SLC48A1: variants seen among roughly 807,000 people sequenced by gnomAD.
The protein encoded by SLC48A1 is solute carrier family 48 member 1, also known as heme transporter HRG1.
In SLC48A1, 6 loss-of-function variants were observed where a neutral mutation model predicts 14.8. That is an observed-to-expected ratio of 0.41 (90% CI 0.22 to 0.80). The LOEUF (loss-of-function observed/expected upper bound fraction) is 0.80, where lower values mean the gene tolerates loss of function less well. SLC48A1 is among the 30% of genes least tolerant of loss of function. The pLI is 0.34. For missense variants in SLC48A1, 165 were observed against 204.8 expected (o/e 0.81, Z 1.19); for synonymous variants, 89 against 90.0 (o/e 0.99, Z 0.06).
Position 47,781,267 on chromosome 12 carries a change from AG to A in SLC48A1, c.*991del, listed in dbSNP as rs990687573. The A allele has an allele frequency of 9.8e-5, 20 of 203,834 alleles. No homozygotes were observed. The highest frequency in any genetic ancestry group is 8.5e-4 in the Admixed American group (16 of 18,828). The allele number at this position is 203,834 out of a possible 1,614,324, so 12.6% of individuals were successfully genotyped here. A position where few individuals can be genotyped will look rare whatever the true frequency, so the allele number is the denominator to read the frequency against. On this transcript the variant is annotated 3_prime_UTR_variant, in exon 3 of 3. Transcript: ENST00000442218. ...TCTGCCCCTGTAAGGGCTTTGGGGA[AG>A]GGGGCAACATAGTAGAGGCTGGAAA...
chr12:47,768,192 G>GC (rs1330114764), upstream of SLC48A1, among the ~76,000 whole-genome samples: 1 of 152,194 alleles, frequency 6.6e-6, no homozygotes, highest in Non-Finnish European at 1.5e-5. Flanking sequence ...GGCCAGGCTG[G>GC]CCTCGAACTC....
At chr12:47,761,842 A>G (rs999668302) in intron 2 of SLC48A1, among the ~76,000 whole-genome samples, 2 of 152,180 alleles carry the variant, frequency 1.3e-5, no homozygotes, top group Non-Finnish European at 2.9e-5. Flanking sequence ...CAACAACCCT[A>G]TGAGATAAGG....
intron 2 of SLC48A1, among the ~76,000 whole-genome samples, chr12:47,763,420 A>G (rs1014035457): frequency 2.0e-5 from 3 of 152,188 alleles, no homozygotes; most frequent in Non-Finnish European, 4.4e-5. Context: ...GGGCTGTGCC[A>G]GGACCTTGGC....
In SLC48A1 at chr12:47,780,857, G is replaced by A. The variant is rs768591709; in HGVS notation, c.*576G>A. 34 of 526,228 alleles carry A rather than the reference G, an allele frequency of 6.5e-5. No homozygotes were observed. The highest frequency in any genetic ancestry group is 3.3e-4 in the South Asian group (23 of 70,404). 32.6% of individuals were successfully genotyped at this position (526,228 alleles called of 1,614,324 possible). On this transcript the variant is annotated 3_prime_UTR_variant, in exon 3 of 3. Coordinates refer to ENST00000442218, the MANE Select transcript of SLC48A1 (RefSeq NM_017842.3). ...GCTGGGATTATAGGTGTGAGCCACC[G>A]TGCCCGGCCTGGATCTGTTTTCTTA...
chr12:47,758,014 C>G (rs373219854), upstream of SLC48A1: 3 of 1,575,770 alleles, frequency 1.9e-6, no homozygotes, highest in African/African-American at 4.0e-5. Flanking sequence ...CCGCGGTGCT[C>G]CCAGAGCTGG....
At chr12:47,774,058 T>C (rs1942688824) in intron 1 of SLC48A1, among the ~76,000 whole-genome samples, 1 of 152,162 alleles carries the variant, frequency 6.6e-6, no homozygotes, top group African/African-American at 2.4e-5. Flanking sequence ...TTTCCACCCA[T>C]GTTGGTGCCT....
upstream of SLC48A1, chr12:47,769,339 T>G (rs1330414796): frequency 6.6e-6 from 1 of 152,290 alleles, no homozygotes; most frequent in Non-Finnish European, 1.5e-5. Flanking sequence ...TGTCCTGGGC[T>G]GGGTTGGGAG....
chr12:47,763,333 C>G (rs1942429741), intron 2 of SLC48A1, among the ~76,000 whole-genome samples: 1 of 152,158 alleles, frequency 6.6e-6, no homozygotes, highest in Non-Finnish European at 1.5e-5. Context: ...GAAAATTTCA[C>G]TAATAGGCCT....
In SLC48A1 at chr12:47,760,435, A is replaced by T. The variant is rs140678954; in HGVS notation, c.-187+34A>T. 5.3e-3 allele frequency: 5,170 copies of T among 984,578 alleles called. 12 individuals carry two copies. Among genetic ancestry groups the T allele is most frequent in the Non-Finnish European group, 5.6e-3 (4,626 of 829,136 alleles). 61.0% of individuals were successfully genotyped at this position (984,578 alleles called of 1,614,324 possible). ...GGGGAAGAGTTAGGGGGATGGAGTC[A>T]TGAGTTTCGGGTTGCTGGGGCCAGT... On this transcript the variant is annotated intron_variant, in intron 2 of 4. Coordinates refer to the SLC48A1 transcript ENST00000547002.
chr12:47,761,531 C>T (rs1314741405), intron 2 of SLC48A1, among the ~76,000 whole-genome samples: 4 of 152,180 alleles, frequency 2.6e-5, no homozygotes, highest in African/African-American at 4.8e-5. Context: ...AAGCAGATGA[C>T]GGGGCAGGTT....
Position 47,780,950 on chromosome 12 carries a change from A to C in SLC48A1, c.*669A>C, listed in dbSNP as rs768398577. 3.8e-6 allele frequency: 2 copies of C among 532,692 alleles called. No individual in the cohort carries two copies. The highest frequency in any genetic ancestry group is 3.8e-6 in the Non-Finnish European group (1 of 259,884). 33.0% of individuals were successfully genotyped at this position (532,692 alleles called of 1,614,324 possible). A position where few individuals can be genotyped will look rare whatever the true frequency, so the allele number is the denominator to read the frequency against. ...AGTCAAGAGGTCAAGGTGTAGGGCCATGAGGCCTGGACCTATGCTGCAGGC... is the reference window on the plus strand; with the variant it reads ...AGTCAAGAGGTCAAGGTGTAGGGCCCTGAGGCCTGGACCTATGCTGCAGGC... On this transcript the variant is annotated 3_prime_UTR_variant, in exon 3 of 3. Transcript: ENST00000442218.
At chr12:47,779,283 T>G in intron 2 of SLC48A1, 88 bp downstream of exon 2, 1 of 1,447,650 alleles carries the variant, frequency 6.9e-7, no homozygotes, top group Non-Finnish European at 9.2e-7. Context: ...ACAGGTTACC[T>G]CCAAAGAGAC....
intron 1 of SLC48A1, chr12:47,778,413 C>G (rs989738530): frequency 6.6e-6 from 1 of 152,480 alleles, no homozygotes; most frequent in Non-Finnish European, 1.5e-5. Flanking sequence ...CCTGCAAAAC[C>G]AACTCAGGCA....
At chr12:47,757,659 A>C (rs937502632), upstream of SLC48A1, among the ~76,000 whole-genome samples, 2 of 152,116 alleles carry the variant, frequency 1.3e-5, no homozygotes, top group East Asian at 3.9e-4. Flanking sequence ...ATTTGGGCAG[A>C]ACACACACAC....
At position 47,777,810 on chromosome 12, in the gene SLC48A1, C is replaced by G. The variant is rs1565781589; in HGVS notation, c.137-1218C>G. Among the ~76,000 whole-genome samples the G allele has an allele frequency of 1.3e-5, 2 of 152,206 alleles. No individual in the cohort carries two copies. The highest frequency in any genetic ancestry group is 2.9e-5 in the Non-Finnish European group (2 of 68,032). ...CCTAAGAAACAAAATAGCATAGATTCCCATAGATTCAAAGCACTTCCCCAC... is the reference window on the plus strand; with the variant it reads ...CCTAAGAAACAAAATAGCATAGATTGCCATAGATTCAAAGCACTTCCCCAC... On this transcript the variant is annotated intron_variant, in intron 1 of 2. Transcript: ENST00000442218. The surrounding 1 kb of genome is among the most constrained non-coding windows in gnomAD (Gnocchi z 4.5).
rs1942863950 is a variant in SLC48A1 at position 47,781,065 on chromosome 12, A to G, written c.*784A>G. ...GTCAGTTCAGAAATATCTAGCAGAG[A>G]CCTCTTAAACCCCCATCCCAGCACC... is the stretch of plus-strand genomic sequence containing the variant. On this transcript the variant is annotated 3_prime_UTR_variant, in exon 3 of 3. Transcript: ENST00000442218. 2.8e-6 allele frequency: 1 copy of G among 355,072 alleles called. No homozygotes were observed. Among genetic ancestry groups the G allele is most frequent in the Non-Finnish European group, 5.6e-6 (1 of 178,912 alleles). 22.0% of individuals were successfully genotyped at this position (355,072 alleles called of 1,614,324 possible).
At chr12:47,755,538 G>A (rs928214381), upstream of SLC48A1, among the ~76,000 whole-genome samples, 3 of 151,974 alleles carry the variant, frequency 2.0e-5, no homozygotes, top group East Asian at 1.9e-4. Flanking sequence ...CCCTGCCCCC[G>A]GACATCAGAC....
chr12:47,757,987 T>C (rs770647967), upstream of SLC48A1: 2 of 1,570,750 alleles, frequency 1.3e-6, no homozygotes, highest in Non-Finnish European at 1.7e-6. Context: ...CGGCACCACG[T>C]CAGGGAGGGC....
chr12:47,764,496 C>G (rs749582237), intron 2 of SLC48A1, among the ~76,000 whole-genome samples: 12 of 152,194 alleles, frequency 7.9e-5, no homozygotes, highest in Admixed American at 3.9e-4. Context: ...ACTGCAGGAG[C>G]CTGAAAGAGG....
Sources: allele counts gnomAD v4.1 joint callset (sites outside exome capture counted in the v4.1 genomes callset), GRCh38; gene constraint gnomAD v4.1.1; non-coding constraint Gnocchi (gnomAD v3.1); transcripts MANE v1.5; gene names NCBI Gene and HGNC (gene_info 2026-07-23, HGNC 2026-07-21).